The following CASK variants were observed in gnomAD, a reference collection of about 807,000 sequenced individuals.
CASK encodes peripheral plasma membrane protein CASK.
In CASK, 4 loss-of-function variants were observed where a neutral mutation model predicts 82.9. That is an observed-to-expected ratio of 0.05 (90% CI 0.02 to 0.11). The LOEUF (loss-of-function observed/expected upper bound fraction) is 0.11. Among genes scored for constraint, CASK ranks in the 10% least tolerant of loss-of-function variants. CASK has a pLI of 1.00. For synonymous variants in CASK, 259 were observed against 253.5 expected (o/e 1.02, Z -0.20); for missense variants, 358 against 720.9 (o/e 0.50, Z 5.76).
intron 11 of CASK, among the ~76,000 whole-genome samples, chrX:41,614,347 C>G (rs768464615): frequency 1.8e-5 from 2 of 110,979 alleles, no homozygotes; most frequent in South Asian, 3.8e-4. Flanking sequence ...AGGAGTCCCT[C>G]TAAAAATTAA....
At chrX:41,616,122 C>G (rs1407013209) in intron 11 of CASK, among the ~76,000 whole-genome samples, 2 of 112,046 alleles carry the variant, frequency 1.8e-5, no homozygotes, top group South Asian at 7.5e-4. Flanking sequence ...CCATGCCATT[C>G]CTGTACCACC....
At chrX:41,697,454 A>G (rs1204237244) in intron 5 of CASK, among the ~76,000 whole-genome samples, 1 of 112,451 alleles carries the variant, frequency 8.9e-6, no homozygotes, top group South Asian at 3.6e-4. Flanking sequence ...ATAAAGTAAC[A>G]TTGAACATGC....
chrX:41,524,060 C>T (rs1569283391), intron 25 of CASK, 26 bp from the exon 26 acceptor site: 2 of 876,524 alleles, frequency 2.3e-6, no homozygotes, highest in African/African-American at 4.0e-5. Flanking sequence ...AAAAAAAAAT[C>T]CCGACTTAAA....
At chrX:41,625,965 T>A (rs1004146336) in intron 10 of CASK, among the ~76,000 whole-genome samples, 2 of 96,000 alleles carry the variant, frequency 2.1e-5, no homozygotes, top group African/African-American at 7.6e-5. Flanking sequence ...TTTTTTTTTT[T>A]TTTGTATTTT....
intron 7 of CASK, among the ~76,000 whole-genome samples, chrX:41,662,790 C>T (rs1055193959): frequency 7.3e-5 from 8 of 109,279 alleles, no homozygotes; most frequent in Admixed American, 5.8e-4. Context: ...AAGACTCTGT[C>T]TCAAAAAAGA....
chrX:41,772,713 A>G (rs2069268199), intron 3 of CASK, among the ~76,000 whole-genome samples: 2 of 111,575 alleles, frequency 1.8e-5, no homozygotes, highest in South Asian at 7.5e-4. Flanking sequence ...AAAGAGAACA[A>G]TAGAGGCCAG....
chrX:41,710,082 T>TGG, intron 5 of CASK, among the ~76,000 whole-genome samples: 1 of 6,191 alleles, frequency 1.6e-4, no homozygotes, highest in Admixed American at 1.0e-3. Flanking sequence ...GTATAGATTT[T>TGG]GTGTGTGTGT....
At chrX:41,779,241 T>G (rs2069423479) in intron 3 of CASK, among the ~76,000 whole-genome samples, 1 of 112,051 alleles carries the variant, frequency 8.9e-6, no homozygotes, top group Admixed American at 9.5e-5. Flanking sequence ...AAGATGCCTA[T>G]GTGACCAGCC....
chrX:41,568,624 A>G lies in CASK; in HGVS notation c.1582+1044T>C, dbSNP rs574174715. On this transcript the variant is annotated intron_variant, in intron 16 of 26. Transcript: ENST00000378163. ...TCTAAATACTAGTGCATATAACTCA[A>G]TCCTTTCAAAGAAAAAGCCTAAATC... Among the ~76,000 whole-genome samples the G allele has an allele frequency of 4.5e-5, 5 of 111,972 alleles. No individual in the cohort carries two copies. The South Asian group carries it at 1.9e-3, about 42-fold the overall frequency.
chrX:41,609,335 G>A (rs1297545422), intron 12 of CASK, among the ~76,000 whole-genome samples: 3 of 111,109 alleles, frequency 2.7e-5, no homozygotes, highest in South Asian at 3.8e-4. Context: ...GGCTGGTCTC[G>A]AACTCCTGAC....
intron 2 of CASK, among the ~76,000 whole-genome samples, chrX:41,846,117 G>C (rs1378481439): frequency 9.0e-6 from 1 of 111,517 alleles, no homozygotes; most frequent in Non-Finnish European, 1.9e-5. Context: ...AGAGGTATCT[G>C]CACTCCCATG....
chrX:41,621,468 G>A (rs1449673136), intron 11 of CASK, among the ~76,000 whole-genome samples: 2 of 111,996 alleles, frequency 1.8e-5, no homozygotes, highest in Non-Finnish European at 3.8e-5. Context: ...CCTGTGAAGA[G>A]GACCACAGCC....
intron 3 of CASK, among the ~76,000 whole-genome samples, chrX:41,753,459 C>T (rs973033088): frequency 8.9e-6 from 1 of 111,959 alleles, no homozygotes; most frequent in Non-Finnish European, 1.9e-5. Flanking sequence ...AAGTCAGTGA[C>T]ATCTCATCAT....
intron 22 of CASK, among the ~76,000 whole-genome samples, chrX:41,536,750 A>C (rs985823537): frequency 1.8e-5 from 2 of 112,124 alleles, no homozygotes; most frequent in African/African-American, 6.5e-5. Context: ...AAACCAAGAA[A>C]TGTTTTCTGT....
chrX:41,515,698 A>T lies in CASK; in HGVS notation c.*4722T>A, dbSNP rs1414420080. 9.0e-6 allele frequency: 1 copy of T among 111,314 alleles called. No individual in the cohort carries two copies. The highest frequency in any genetic ancestry group is 3.3e-5 in the African/African-American group (1 of 30,625). 9.2% of individuals were successfully genotyped at this position (111,314 alleles called of 1,213,427 possible). ...TTGGTCTCTTCCAAATAAAAAAAAA[A>T]TAGGGGGAGCCACTCACTGTGGAGG... On this transcript the variant is annotated 3_prime_UTR_variant, in exon 27 of 27. Coordinates refer to ENST00000378163, the MANE Select transcript of CASK (RefSeq NM_001367721.1).
chrX:41,880,855 A>C (rs1040229901), intron 1 of CASK, among the ~76,000 whole-genome samples: 1 of 111,683 alleles, frequency 9.0e-6, no homozygotes, highest in Non-Finnish European at 1.9e-5. Context: ...TGGGGGAGAA[A>C]AGAAAATCTC....
chrX:41,549,848 TAAAAATA>T (rs759870932), intron 21 of CASK, among the ~76,000 whole-genome samples: 6 of 102,721 alleles, frequency 5.8e-5, no homozygotes, highest in South Asian at 8.7e-4. Context: ...TTTAGAAGAA[TAAAAATA>T]AAAAATAAAA....
In CASK at chrX:41,596,756, C is replaced by T. The variant is rs369751214; in HGVS notation, c.1156-7164G>A. ...AACAGCTGCAAGGGAAACAGACTGT[C>T]TCATATTGTCTCACAGATAGGCCTG... On this transcript the variant is annotated intron_variant, in intron 12 of 26. Transcript: ENST00000378163. 1.1e-3 allele frequency among the ~76,000 whole-genome samples: 129 copies of T among 112,182 alleles called. 2 individuals carry two copies. The South Asian group carries it at 0.015, about 13-fold the overall frequency.
intron 22 of CASK, among the ~76,000 whole-genome samples, chrX:41,537,279 C>T (rs188982099): frequency 1.8e-5 from 2 of 111,144 alleles, no homozygotes; most frequent in East Asian, 5.6e-4. Context: ...AATTGCCACA[C>T]GGTCATAGGG....
Sources: gnomAD v4.1 joint callset for allele counts (sites outside exome capture counted in the v4.1 genomes callset) on GRCh38, gnomAD v4.1.1 for gene constraint, MANE v1.5 for transcripts, NCBI Gene and HGNC (gene_info 2026-07-23, HGNC 2026-07-21) for gene names.